SLC22A4: variants seen among roughly 807,000 people sequenced by gnomAD.
SLC22A4 encodes solute carrier family 22 member 4, also known as ET transporter.
SLC22A4 carries 39 observed loss-of-function variants against 56.6 expected under a neutral mutation model. That is an observed-to-expected ratio of 0.69 (90% CI 0.53 to 0.90). The LOEUF (loss-of-function observed/expected upper bound fraction) is 0.90. SLC22A4 is among the 40% of genes least tolerant of loss of function. The probability of loss-of-function intolerance (pLI) is 0.00; values close to 1 mark genes in which losing one functional copy is unlikely to be tolerated. For synonymous variants in SLC22A4, 241 were observed against 281.4 expected (o/e 0.86, Z 1.44); for missense variants, 594 against 696.5 (o/e 0.85, Z 1.66).
chr5:132,334,245 G>A (rs1487083569), intron 6 of SLC22A4, among the ~76,000 whole-genome samples: 1 of 152,254 alleles, frequency 6.6e-6, no homozygotes, highest in Admixed American at 6.5e-5. Flanking sequence ...GAATCCCACA[G>A]TATGACCCTT....
At chr5:132,341,476 G>A (rs1389037109) in intron 9 of SLC22A4, among the ~76,000 whole-genome samples, 1 of 152,106 alleles carries the variant, frequency 6.6e-6, no homozygotes, top group Non-Finnish European at 1.5e-5. Context: ...AAAACAATGT[G>A]ATAATGGTAT....
chr5:132,340,432 CT>C (rs1320876617), intron 8 of SLC22A4, 132 bp from the exon 9 acceptor site: 29 of 897,630 alleles, frequency 3.2e-5, no homozygotes, highest in East Asian at 2.4e-4. Context: ...ATTTTGCTTA[CT>C]TTTTTTTCTC....
chr5:132,310,257 G>A (rs866883634), intron 1 of SLC22A4, among the ~76,000 whole-genome samples: 2 of 152,220 alleles, frequency 1.3e-5, no homozygotes, highest in Non-Finnish European at 1.5e-5. Context: ...CATTCTCACA[G>A]TCTCAGTTTA....
chr5:132,310,703 G>A (rs931315074), intron 1 of SLC22A4, among the ~76,000 whole-genome samples: 5 of 152,254 alleles, frequency 3.3e-5, no homozygotes, highest in Admixed American at 6.5e-5. Context: ...CTCTAGGACA[G>A]GACTATTCTC....
At chr5:132,325,220 A>G (rs1027077742) in intron 4 of SLC22A4, among the ~76,000 whole-genome samples, 1 of 152,240 alleles carries the variant, frequency 6.6e-6, no homozygotes, top group Non-Finnish European at 1.5e-5. Context: ...TCCATGAGGT[A>G]TATCGTGGCT....
intron 4 of SLC22A4, among the ~76,000 whole-genome samples, chr5:132,323,253 T>C (rs955041429): frequency 1.3e-5 from 2 of 152,226 alleles, no homozygotes; most frequent in Non-Finnish European, 2.9e-5. Flanking sequence ...ACAAGCTTCT[T>C]TGACCATTTT....
chr5:132,322,384 C>T (rs543538226), intron 4 of SLC22A4, 29 bp downstream of exon 4: 2 of 1,609,176 alleles, frequency 1.2e-6, no homozygotes, highest in South Asian at 1.1e-5. Context: ...CAGACAGGCC[C>T]TCTGCTGCGG....
At chr5:132,338,307 AG>A (rs1751086984) in intron 8 of SLC22A4, among the ~76,000 whole-genome samples, 1 of 152,144 alleles carries the variant, frequency 6.6e-6, no homozygotes, top group Non-Finnish European at 1.5e-5. Context: ...TGTAGGTCAC[AG>A]AGATCACGTG....
At chr5:132,301,440 C>G (rs1749904960) in intron 1 of SLC22A4, among the ~76,000 whole-genome samples, 1 of 152,224 alleles carries the variant, frequency 6.6e-6, no homozygotes, top group African/African-American at 2.4e-5. Context: ...CTCTAGGAAC[C>G]CTAGTGGAGC....
chr5:132,317,374 C>A (rs1448376798), intron 3 of SLC22A4, among the ~76,000 whole-genome samples: 1 of 152,224 alleles, frequency 6.6e-6, no homozygotes, highest in East Asian at 1.9e-4. Flanking sequence ...CTGGCAACCA[C>A]TAATTTACTT....
intron 8 of SLC22A4, among the ~76,000 whole-genome samples, chr5:132,337,902 A>ATTT (rs34031485): frequency 2.1e-5 from 3 of 144,814 alleles, no homozygotes; most frequent in African/African-American, 5.1e-5. Context: ...TGTCCGGCTA[A>ATTT]TTTTTTTTTT....
intron 7 of SLC22A4, 104 bp downstream of exon 7, chr5:132,335,036 G>A: frequency 1.2e-6 from 1 of 831,802 alleles, no homozygotes; most frequent in Non-Finnish European, 2.1e-6. Context: ...TACATCATAA[G>A]CCATTCATAA....
chr5:132,323,100 T>C (rs553840682), intron 4 of SLC22A4, among the ~76,000 whole-genome samples: 34 of 152,346 alleles, frequency 2.2e-4, no homozygotes, highest in Non-Finnish European at 4.6e-4. Context: ...ATTCCTTCCA[T>C]TGGTGGGTCT....
At chr5:132,298,194 T>C (rs1749821965) in intron 1 of SLC22A4, among the ~76,000 whole-genome samples, 1 of 152,256 alleles carries the variant, frequency 6.6e-6, no homozygotes, top group Non-Finnish European at 1.5e-5. Context: ...ACCATGTCTA[T>C]GGTAGCATTA....
At chr5:132,313,044 C>T (rs979451073) in intron 2 of SLC22A4, among the ~76,000 whole-genome samples, 31 of 152,230 alleles carry the variant, frequency 2.0e-4, no homozygotes, top group African/African-American at 7.0e-4. Context: ...GAAAGCTACA[C>T]CTTCCCACAG....
intron 3 of SLC22A4, among the ~76,000 whole-genome samples, chr5:132,318,479 A>G (rs1314668750): frequency 6.6e-6 from 1 of 152,054 alleles, no homozygotes; most frequent in Non-Finnish European, 1.5e-5. Context: ...CTCGCCTCAT[A>G]TCCTGGCAGC....
rs1339405989 is a variant in SLC22A4, at chr5:132,294,443, C to T, written c.-174C>T. ...GCGCGAGCTCCCGGGAACGCTCCAA[C>T]GCCTTCAGCCTGTTTCCCAGGAACG... On this transcript the variant is annotated 5_prime_UTR_variant, in exon 1 of 10. The change creates a new upstream start codon in the 5' untranslated region. Coordinates refer to ENST00000200652, the MANE Select transcript of SLC22A4 (RefSeq NM_003059.3). The surrounding 1 kb of genome is among the most constrained non-coding windows in gnomAD (Gnocchi z 5.6). 2.4e-6 allele frequency: 2 copies of T among 818,460 alleles called. No individual in the cohort carries two copies. Among genetic ancestry groups the T allele is most frequent in the Non-Finnish European group, 3.9e-6 (2 of 515,312 alleles). The allele number at this position is 818,460 out of a possible 1,614,324, so 50.7% of individuals were successfully genotyped here.
intron 8 of SLC22A4, among the ~76,000 whole-genome samples, chr5:132,338,371 A>G (rs1435677677): frequency 6.6e-6 from 1 of 152,236 alleles, no homozygotes; most frequent in African/African-American, 2.4e-5. Flanking sequence ...GTGAGATCAC[A>G]GGACCACAGG....
intron 3 of SLC22A4, among the ~76,000 whole-genome samples, chr5:132,318,786 A>C (rs1331205385): frequency 6.6e-6 from 1 of 152,120 alleles, no homozygotes; most frequent in African/African-American, 2.4e-5. Context: ...AGAAACTCAG[A>C]AGCCCAGCCA....
Sources: allele counts gnomAD v4.1 joint callset (sites outside exome capture counted in the v4.1 genomes callset), GRCh38; gene constraint gnomAD v4.1.1; non-coding constraint Gnocchi (gnomAD v3.1); transcripts MANE v1.5; gene names NCBI Gene and HGNC (gene_info 2026-07-23, HGNC 2026-07-21).